Variants in ASIC2 observed in about 807,000 individuals in gnomAD.
ASIC2 encodes acid sensing ion channel subunit 2.
In ASIC2, 25 loss-of-function variants were observed where a neutral mutation model predicts 57.3. The observed-to-expected ratio is 0.44, with a 90% CI of 0.32 to 0.61. The LOEUF (loss-of-function observed/expected upper bound fraction) is 0.61, where lower values mean the gene tolerates loss of function less well. Among genes scored for constraint, ASIC2 ranks in the 20% least tolerant of loss-of-function variants. The probability of loss-of-function intolerance (pLI) is 0.06; values close to 1 mark genes in which losing one functional copy is unlikely to be tolerated. For synonymous variants in ASIC2, 319 were observed against 307.5 expected, an observed-to-expected ratio of 1.04 and a Z score of -0.39; for missense variants, 641 against 738.1, an observed-to-expected ratio of 0.87 and a Z score of 1.52.
At chr17:34,077,678 C>T (rs1382100306) in intron 1 of ASIC2, among the ~76,000 whole-genome samples, 2 of 152,106 alleles carry the variant, frequency 1.3e-5, no homozygotes, top group Non-Finnish European at 2.9e-5. Context: ...GTCTGCCCTG[C>T]TTGTGAGATG....
At chr17:33,201,157 A>T (rs1044526377) in intron 1 of ASIC2, among the ~76,000 whole-genome samples, 6 of 151,930 alleles carry the variant, frequency 3.9e-5, no homozygotes, top group African/African-American at 1.5e-4. Context: ...TGTTTTACTT[A>T]TGTATCTTGT....
intron 1 of ASIC2, among the ~76,000 whole-genome samples, chr17:34,086,696 G>A (rs1201194237): frequency 1.3e-5 from 2 of 152,130 alleles, no homozygotes; most frequent in African/African-American, 4.8e-5. Context: ...AGGTCACTCA[G>A]GACTTGCTTT....
chr17:34,156,306 A>C lies in ASIC2; in HGVS notation c.227T>G (p.Val76Gly), dbSNP rs1904719531. 1 of 1,613,986 alleles carries C rather than the reference A, an allele frequency of 6.2e-7. No homozygotes were observed. The highest frequency in any genetic ancestry group is 1.1e-5 in the South Asian group (1 of 91,086). ...CAGGCTTTGAGCCACCACTTCGTCC[A>C]CCTTAGTGACATGCTGGTAGGAGAA... Residue 76 changes from valine to glycine, a missense_variant, in exon 1 of 10, where the codon GTG becomes GGG. Physicochemically the swap from Val to Gly is moderately radical, Grantham distance 109. Coordinates refer to the ASIC2 transcript ENST00000359872. This position sits in a 1 kb window ranked among gnomAD's most constrained non-coding sequence, Gnocchi z 4.4.
chr17:33,220,392 G>A (rs1416628721), intron 1 of ASIC2, among the ~76,000 whole-genome samples: 1 of 152,142 alleles, frequency 6.6e-6, no homozygotes, highest in Non-Finnish European at 1.5e-5. Flanking sequence ...TTCCCCTAGA[G>A]TCTCCTGTTC....
intron 3 of ASIC2, among the ~76,000 whole-genome samples, chr17:33,049,051 C>T (rs1238980297): frequency 6.6e-6 from 1 of 152,192 alleles, no homozygotes; most frequent in African/African-American, 2.4e-5. Flanking sequence ...CAGGAAGGGG[C>T]AGATGGTGTA....
chr17:33,884,956 G>C lies in ASIC2; in HGVS notation c.555+271022C>G, dbSNP rs189245436. 6.2e-3 allele frequency among the ~76,000 whole-genome samples: 941 copies of C among 152,342 alleles called. 8 individuals are homozygous for C. The highest frequency in any genetic ancestry group is 9.7e-3 in the Non-Finnish European group (659 of 68,040). ...TAAAGCACAGGGAAACAGGACTGCAGTGAGAACATCCTCAAAGATTTTATA... is the reference window on the plus strand; with the variant it reads ...TAAAGCACAGGGAAACAGGACTGCACTGAGAACATCCTCAAAGATTTTATA... On this transcript the variant is annotated intron_variant, in intron 1 of 9. Coordinates refer to the ASIC2 transcript ENST00000359872.
intron 1 of ASIC2, among the ~76,000 whole-genome samples, chr17:34,154,523 C>A (rs1904640744): frequency 6.6e-6 from 1 of 152,130 alleles, no homozygotes; most frequent in African/African-American, 2.4e-5. Context: ...GAGGCAATGC[C>A]CCCGGCACTC....
At chr17:33,398,546 G>C in intron 1 of ASIC2, among the ~76,000 whole-genome samples, 1 of 152,104 alleles carries the variant, frequency 6.6e-6, no homozygotes, top group East Asian at 1.9e-4. Flanking sequence ...TTATAATAAT[G>C]ATGATGGGGA....
At chr17:33,680,333 A>G (rs1195536760) in intron 1 of ASIC2, among the ~76,000 whole-genome samples, 2 of 152,116 alleles carry the variant, frequency 1.3e-5, no homozygotes, top group African/African-American at 4.8e-5. Context: ...CAGGACCTAC[A>G]GTGAGGGAGT....
chr17:33,145,182 A>G (rs552736539), intron 1 of ASIC2, among the ~76,000 whole-genome samples: 90 of 152,344 alleles, frequency 5.9e-4, no homozygotes, highest in African/African-American at 2.0e-3. Context: ...CCCTCTTCCC[A>G]GGAGACTGGC....
chr17:33,678,597 A>G (rs183189812), intron 1 of ASIC2, among the ~76,000 whole-genome samples: 41 of 152,206 alleles, frequency 2.7e-4, no homozygotes, highest in Admixed American at 1.0e-3. Flanking sequence ...TCACTACACC[A>G]TATTCTCCCA....
chr17:33,480,280 C>A (rs937067431), intron 1 of ASIC2, among the ~76,000 whole-genome samples: 1 of 151,836 alleles, frequency 6.6e-6, no homozygotes, highest in Non-Finnish European at 1.5e-5. Context: ...AAGAAATAAA[C>A]ATAAAGAAAA....
At chr17:33,845,212 A>AT (rs1187957155) in intron 1 of ASIC2, among the ~76,000 whole-genome samples, 1 of 152,236 alleles carries the variant, frequency 6.6e-6, no homozygotes, top group Non-Finnish European at 1.5e-5. Flanking sequence ...CTATCATTTG[A>AT]TTGATATCCA....
intron 1 of ASIC2, among the ~76,000 whole-genome samples, chr17:33,254,748 T>C (rs1567800176): frequency 6.6e-6 from 1 of 152,158 alleles, no homozygotes; most frequent in Non-Finnish European, 1.5e-5. Flanking sequence ...GGATATTTGA[T>C]CCACAGGAAT....
intron 1 of ASIC2, among the ~76,000 whole-genome samples, chr17:33,519,099 C>A (rs560328817): frequency 2.0e-5 from 3 of 152,296 alleles, no homozygotes; most frequent in East Asian, 1.9e-4. Flanking sequence ...GGATTACAGG[C>A]GTGAGCCACC....
intron 3 of ASIC2, among the ~76,000 whole-genome samples, chr17:33,058,330 T>C (rs929237080): frequency 3.3e-5 from 5 of 152,018 alleles, no homozygotes; most frequent in Non-Finnish European, 5.9e-5. Flanking sequence ...TGGAAAAGGA[T>C]GGGAGATTTG....
At chr17:33,783,571 C>G (rs1307560762) in intron 1 of ASIC2, among the ~76,000 whole-genome samples, 1 of 152,244 alleles carries the variant, frequency 6.6e-6, no homozygotes, top group Non-Finnish European at 1.5e-5. Flanking sequence ...CCAGGGTTGC[C>G]TGCCACATGG....
chr17:33,735,573 G>C (rs1356619313), intron 1 of ASIC2, among the ~76,000 whole-genome samples: 1 of 152,168 alleles, frequency 6.6e-6, no homozygotes, highest in East Asian at 1.9e-4. Context: ...TGGCTGGGAA[G>C]TGTCATAGTT....
chr17:33,262,775 G>A (rs1202740675), intron 1 of ASIC2, among the ~76,000 whole-genome samples: 1 of 152,178 alleles, frequency 6.6e-6, no homozygotes, highest in Non-Finnish European at 1.5e-5. Flanking sequence ...ACATTGTGCT[G>A]AGTGCTATAA....
Sources: allele counts gnomAD v4.1 joint callset (sites outside exome capture counted in the v4.1 genomes callset), GRCh38; gene constraint gnomAD v4.1.1; non-coding constraint Gnocchi (gnomAD v3.1); transcripts MANE v1.5; gene names NCBI Gene and HGNC (gene_info 2026-07-23, HGNC 2026-07-21).